GIPR: variants seen among roughly 807,000 people sequenced by gnomAD.
The protein encoded by GIPR is GIP-R.
GIPR carries 74 observed loss-of-function variants against 62.2 expected under a neutral mutation model. The ratio of observed to expected loss-of-function variants is 1.19; its 90% CI spans 0.99 to 1.44. GIPR has a LOEUF of 1.44. Ranked by LOEUF, GIPR falls within the 40% of genes most tolerant of loss-of-function variation. The probability of loss-of-function intolerance (pLI) is 0.00; values close to 1 mark genes in which losing one functional copy is unlikely to be tolerated. For missense variants in GIPR, 664 were observed against 611.8 expected (o/e 1.09, Z -0.90); for synonymous variants, 256 against 262.2 (o/e 0.98, Z 0.23).
chr19:45,681,722 C>CT lies in GIPR; in HGVS notation c.1195-6dup. On this transcript the variant is annotated splice_region_variant and splice_polypyrimidine_tract_variant and intron_variant, in intron 13 of 13. Coordinates refer to ENST00000590918, the MANE Select transcript of GIPR (RefSeq NM_000164.4). Reference sequence around the variant, plus strand: ...CGGCGCCGCCTCTGAGCGCCATCGTCTCACAGGTGCAGTCGGAGATCCGCC... The same window carrying CT: ...CGGCGCCGCCTCTGAGCGCCATCGTCTTCACAGGTGCAGTCGGAGATCCGCC... 6.2e-7 allele frequency: 1 copy of CT among 1,611,690 alleles called. No homozygotes were observed. The highest frequency in any genetic ancestry group is 1.7e-5 in the Admixed American group (1 of 59,854).
At chr19:45,678,306 T>G in intron 12 of GIPR, 80 bp downstream of exon 12, 1 of 1,448,778 alleles carries the variant, frequency 6.9e-7, no homozygotes, top group Non-Finnish European at 9.4e-7. Flanking sequence ...ACAGTCGTTC[T>G]CTGGTGCAGC....
At chr19:45,679,308 T>C (rs1967109402) in intron 12 of GIPR, among the ~76,000 whole-genome samples, 1 of 151,896 alleles carries the variant, frequency 6.6e-6, no homozygotes, top group African/African-American at 2.4e-5. Flanking sequence ...GGTGAAACCC[T>C]GTCTCTACTA....
At position 45,681,939 on chromosome 19, in the gene GIPR, G is replaced by A. The variant is rs76862831; in HGVS notation, c.*4G>A. ...GGAGTTGGAAAGTTACTGCTAGGGG[G>A]CGGGATCCCCGTGTCTGTTCAGTTA... On this transcript the variant is annotated 3_prime_UTR_variant, in exon 14 of 14. Coordinates refer to ENST00000590918, the MANE Select transcript of GIPR (RefSeq NM_000164.4). 7.0e-5 allele frequency: 109 copies of A among 1,556,948 alleles called. No homozygotes were observed. The African/African-American group carries it at 1.3e-3, about 18-fold the overall frequency.
At chr19:45,674,956 T>G in intron 7 of GIPR, 130 bp downstream of exon 7, 1 of 933,760 alleles carries the variant, frequency 1.1e-6, no homozygotes. Flanking sequence ...CCTCTCCAAA[T>G]GTGTCTTGGG....
In GIPR at chr19:45,672,864, C is replaced by T. The variant is rs780315107; in HGVS notation, c.294C>T (p.Phe98=). ...LPWHHHVAAG[F]VLRQCGSDGQ... is the part of the protein sequence containing the mutation. Reference sequence around the variant, plus strand: ...CTTTCCCCACAGTGGCTGCAGGTTTCGTCCTCCGCCAGTGTGGCAGTGATG... The same window carrying T: ...CTTTCCCCACAGTGGCTGCAGGTTTTGTCCTCCGCCAGTGTGGCAGTGATG... Residue 98 remains phenylalanine, a synonymous_variant, in exon 5 of 14, where the codon TTC becomes TTT. Transcript: ENST00000590918. 6.8e-6 allele frequency: 11 copies of T among 1,609,488 alleles called. No homozygotes were observed. Among genetic ancestry groups the T allele is most frequent in the African/African-American group, 2.7e-5 (2 of 74,802 alleles).
intron 4 of GIPR, chr19:45,672,480 T>C: frequency 3.2e-6 from 1 of 315,840 alleles, no homozygotes; most frequent in East Asian, 8.8e-5. Flanking sequence ...CTAATTTTTG[T>C]ATTTTTAGTA....
chr19:45,677,271 A>G, intron 8 of GIPR, 52 bp from the exon 9 acceptor site: 1 of 1,357,580 alleles, frequency 7.4e-7, no homozygotes, highest in Non-Finnish European at 1.0e-6. Context: ...GGGGCCCGTG[A>G]GCGCGCTGAC....
Position 45,683,200 on chromosome 19 carries a change from A to G in GIPR, c.*1265A>G, listed in dbSNP as rs994319735. 1 of 152,510 alleles carries G rather than the reference A, an allele frequency of 6.6e-6. No homozygotes were observed. Among genetic ancestry groups the G allele is most frequent in the Non-Finnish European group, 1.5e-5 (1 of 68,200 alleles). The allele number at this position is 152,510 out of a possible 1,614,324, so 9.4% of individuals were successfully genotyped here. A position where few individuals can be genotyped will look rare whatever the true frequency, so the allele number is the denominator to read the frequency against. On this transcript the variant is annotated 3_prime_UTR_variant, in exon 14 of 14. Coordinates refer to ENST00000590918, the MANE Select transcript of GIPR (RefSeq NM_000164.4). ...CAGTGTTTGTAGGACATGACAGGAC[A>G]CTGAGTGTAAGGGTCTGGAGCTCTC...
Position 45,676,844 on chromosome 19 carries a change from C to T in GIPR, c.634-105C>T, listed in dbSNP as rs186092505. The T allele has an allele frequency of 9.8e-5, 99 of 1,012,804 alleles. 1 individual carries two copies. The East Asian group carries it at 2.3e-3, about 23-fold the overall frequency. 62.7% of individuals were successfully genotyped at this position (1,012,804 alleles called of 1,614,324 possible). ...TCACTGGGGACACAGAGTGGAAGAA[C>T]CTTTGATGGCAAGAGACGGGGTGGA... On this transcript the variant is annotated intron_variant, in intron 7 of 13. Transcript: ENST00000590918.
At position 45,677,063 on chromosome 19, in the gene GIPR, G is replaced by A. The variant is rs1242762299; in HGVS notation, c.748G>A (p.Gly250Ser). 1 of 1,613,960 alleles carries A rather than the reference G, an allele frequency of 6.2e-7. No homozygotes were observed. Among genetic ancestry groups the A allele is most frequent in the Admixed American group, 1.7e-5 (1 of 59,984 alleles). ...GCACAGTCTCCTGGTGCTCGTGGGAGGCTCCGAGGAGGGCCACTTCCGCTA... is the reference window on the plus strand; with the variant it reads ...GCACAGTCTCCTGGTGCTCGTGGGAAGCTCCGAGGAGGGCCACTTCCGCTA... The part of the protein sequence containing the change: ...YLHSLLVLVG[G>S]SEEGHFRYYL... The change falls in exon 8 of 14, where the codon GGC (glycine) becomes AGC (serine). Residue 250 changes from glycine (G) to serine (S), a missense_variant. Physicochemically the swap from Gly to Ser is moderately conservative, Grantham distance 56. Transcript: ENST00000590918.
intron 2 of GIPR, 72 bp downstream of exon 2, chr19:45,669,664 G>A (rs1211751910): frequency 2.6e-6 from 4 of 1,525,754 alleles, no homozygotes; most frequent in Admixed American, 4.0e-5. Context: ...GGCTTCCGTC[G>A]TCAGGGCGCT....
intron 6 of GIPR, 60 bp downstream of exon 6, chr19:45,674,237 G>A (rs1208554410): frequency 2.9e-6 from 3 of 1,042,702 alleles, no homozygotes; most frequent in East Asian, 4.7e-5. Context: ...AGTTTGTCCA[G>A]TAAGATGGGG....
At chr19:45,681,499 A>C (rs1600320318) in intron 12 of GIPR, 105 bp from the exon 13 acceptor site, 12 of 987,328 alleles carry the variant, frequency 1.2e-5, no homozygotes, top group Admixed American at 1.9e-5. Flanking sequence ...CCGACTCTTA[A>C]AAACAAACAA....
intron 6 of GIPR, 100 bp downstream of exon 6, chr19:45,674,277 A>C: frequency 1.2e-6 from 1 of 834,648 alleles, no homozygotes; most frequent in Non-Finnish European, 2.1e-6. Flanking sequence ...CCAGCTATCC[A>C]CTGGTGGTTC....
intron 1 of GIPR, among the ~76,000 whole-genome samples, chr19:45,668,526 C>T (rs540517635): frequency 1.3e-5 from 2 of 152,338 alleles, no homozygotes; most frequent in African/African-American, 4.8e-5. Context: ...CACGTCTCTG[C>T]CTCTTCTTTG....
intron 7 of GIPR, among the ~76,000 whole-genome samples, chr19:45,676,415 A>G (rs902951761): frequency 6.7e-6 from 1 of 149,932 alleles, no homozygotes; most frequent in African/African-American, 2.4e-5. Flanking sequence ...GGAGTCTCAA[A>G]AAAGAAGCTG....
chr19:45,673,262 A>G (rs1339538812), intron 5 of GIPR, among the ~76,000 whole-genome samples: 1 of 151,984 alleles, frequency 6.6e-6, no homozygotes, highest in East Asian at 1.9e-4. Flanking sequence ...TTTACTAAAA[A>G]TACAAAAATT....
chr19:45,671,572 T>A (rs180701928), intron 4 of GIPR, among the ~76,000 whole-genome samples, 180 bp downstream of exon 4: 435 of 152,284 alleles, frequency 2.9e-3, no homozygotes, highest in Non-Finnish European at 4.4e-3. Context: ...CTATCTCACA[T>A]AACGCAGCTT....
intron 5 of GIPR, among the ~76,000 whole-genome samples, chr19:45,673,839 G>C (rs1418974592): frequency 6.6e-6 from 1 of 151,836 alleles, no homozygotes; most frequent in Non-Finnish European, 1.5e-5. Flanking sequence ...ACTCCAGCCT[G>C]GGCAACAAAG....
Sources: gnomAD v4.1 joint callset for allele counts (sites outside exome capture counted in the v4.1 genomes callset) on GRCh38, gnomAD v4.1.1 for gene constraint, MANE v1.5 for transcripts, NCBI Gene and HGNC (gene_info 2026-07-23, HGNC 2026-07-21) for gene names.